The following ZNF787 variants were observed in gnomAD, a reference collection of about 807,000 sequenced individuals.
ZNF787 encodes the protein TTF-I-interacting peptide 20.
In ZNF787, 7 loss-of-function variants were observed where a neutral mutation model predicts 16.9. The observed-to-expected ratio is 0.42, with a 90% CI of 0.24 to 0.78. The LOEUF (loss-of-function observed/expected upper bound fraction) is 0.78. Ranked by LOEUF, ZNF787 falls within the 30% of genes least tolerant of loss-of-function variation. The pLI, the probability that ZNF787 is intolerant of heterozygous loss-of-function variation, is 0.30. For synonymous variants in ZNF787, 345 were observed against 270.9 expected (o/e 1.27, Z -2.69); for missense variants, 551 against 589.3 (o/e 0.94, Z 0.67).
Position 56,087,823 on chromosome 19 carries a change from C to A in ZNF787, c.*200G>T, listed in dbSNP as rs1985348293. The A allele has an allele frequency of 3.5e-6, 3 of 847,450 alleles. No individual in the cohort carries two copies. Among genetic ancestry groups the A allele is most frequent in the Non-Finnish European group, 4.7e-6 (3 of 641,862 alleles). The allele number at this position is 847,450 out of a possible 1,614,324, so 52.5% of individuals were successfully genotyped here. A position where few individuals can be genotyped will look rare whatever the true frequency, so the allele number is the denominator to read the frequency against. ...GGGCCAGGCTGAGGGGGCAGAGTCT[C>A]GAGGCGGAGAAGTGAACGGGCCCTA... On this transcript the variant is annotated 3_prime_UTR_variant, in exon 3 of 3. Coordinates refer to ENST00000610935, the MANE Select transcript of ZNF787 (RefSeq NM_001002836.4).
chr19:56,103,028 G>A, intron 2 of ZNF787, 111 bp downstream of exon 2: 2 of 1,242,374 alleles, frequency 1.6e-6, no homozygotes, highest in South Asian at 1.2e-5. Context: ...TGGTCCCAGG[G>A]CCCCAAGAGG....
At chr19:56,116,525 G>C (rs1433815306) in intron 1 of ZNF787, among the ~76,000 whole-genome samples, 1 of 152,040 alleles carries the variant, frequency 6.6e-6, no homozygotes, top group Admixed American at 6.6e-5. Context: ...AGGAGTTTGA[G>C]ACCAGCCTGG....
intron 1 of ZNF787, among the ~76,000 whole-genome samples, chr19:56,120,481 G>C (rs989037083): frequency 1.3e-5 from 2 of 152,250 alleles, no homozygotes; most frequent in East Asian, 3.9e-4. Flanking sequence ...CACTTCCCCC[G>C]CTGGGGACGC....
chr19:56,095,155 T>C (rs945693115), intron 2 of ZNF787, among the ~76,000 whole-genome samples: 3 of 152,082 alleles, frequency 2.0e-5, no homozygotes, highest in Non-Finnish European at 2.9e-5. Flanking sequence ...CCTAGACCCC[T>C]CATATGTGCA....
In ZNF787 at chr19:56,087,990, G is replaced by A; in HGVS notation, c.*33C>T. The A allele has an allele frequency of 7.8e-7, 1 of 1,285,664 alleles. No individual in the cohort carries two copies. The highest frequency in any genetic ancestry group is 9.8e-7 in the Non-Finnish European group (1 of 1,022,828). The allele number at this position is 1,285,664 out of a possible 1,614,324, so 79.6% of individuals were successfully genotyped here. On this transcript the variant is annotated 3_prime_UTR_variant, in exon 3 of 3. Transcript: ENST00000610935. ...GTCGTCGCTCCCGCCAAGCCCGAGGGGCCCTGCCCGCCCCCCCCCCCGGGC... is the reference window on the plus strand; with the variant it reads ...GTCGTCGCTCCCGCCAAGCCCGAGGAGCCCTGCCCGCCCCCCCCCCCGGGC...
At position 56,088,226 on chromosome 19, in the gene ZNF787, C is replaced by G. The variant is rs1372624301; in HGVS notation, c.946G>C (p.Ala316Pro). 2.7e-6 allele frequency: 4 copies of G among 1,502,852 alleles called. No homozygotes were observed. Among genetic ancestry groups the G allele is most frequent in the Admixed American group, 4.2e-5 (2 of 48,126 alleles). 93.1% of individuals were successfully genotyped at this position (1,502,852 alleles called of 1,614,324 possible). A position where few individuals can be genotyped will look rare whatever the true frequency, so the allele number is the denominator to read the frequency against. Reference sequence around the variant, plus strand: ...TCCCCGCACTCCACGCAGATGTGGGCCGGCTCCTCGCCCCCCGCCGCCCCG... The same window carrying G: ...TCCCCGCACTCCACGCAGATGTGGGGCGGCTCCTCGCCCCCCGCCGCCCCG... Reference protein sequence around the residue: ...GLGAAGGEEPAHICVECGEGF... With the variant: ...GLGAAGGEEPPHICVECGEGF... Residue 316 changes from alanine (A) to proline (P), a missense_variant, in exon 3 of 3, where the codon GCC becomes CCC. Around this residue, in one of 4 missense-constraint regions of ZNF787, gnomAD observed 392 missense variants for 312.7 expected, o/e 1.25. Transcript: ENST00000610935. The surrounding 1 kb of genome is among the most constrained non-coding windows in gnomAD (Gnocchi z 8.6).
intron 2 of ZNF787, among the ~76,000 whole-genome samples, chr19:56,092,048 C>T (rs1440661793): frequency 1.3e-5 from 2 of 148,566 alleles, no homozygotes; most frequent in Non-Finnish European, 3.0e-5. Flanking sequence ...AAGCCGAAGC[C>T]TCACCCTCAC....
intron 2 of ZNF787, among the ~76,000 whole-genome samples, chr19:56,100,663 G>A (rs1249169367): frequency 3.4e-5 from 5 of 145,592 alleles, no homozygotes; most frequent in Admixed American, 7.1e-5. Flanking sequence ...CACCTACGAT[G>A]TCTGTCACTG....
chr19:56,087,870 CGGACGGCGCAGGGACAGAGGA>C lies in ZNF787; in HGVS notation c.*132_*152del. ...CCTAATACGCCCCAGTGCCCCCCCA[CGGACGGCGCAGGGACAGAGGA>C]GGGCGGGGAGCCGGGGATGCCGCGG... On this transcript the variant is annotated 3_prime_UTR_variant, in exon 3 of 3. Transcript: ENST00000610935. 8.3e-7 allele frequency: 1 copy of C among 1,207,074 alleles called. No homozygotes were observed. Among genetic ancestry groups the C allele is most frequent in the East Asian group, 3.6e-5 (1 of 27,612 alleles). 74.8% of individuals were successfully genotyped at this position (1,207,074 alleles called of 1,614,324 possible). A position where few individuals can be genotyped will look rare whatever the true frequency, so the allele number is the denominator to read the frequency against.
At chr19:56,093,683 C>T (rs1186303047) in intron 2 of ZNF787, among the ~76,000 whole-genome samples, 3 of 152,136 alleles carry the variant, frequency 2.0e-5, no homozygotes, top group East Asian at 1.9e-4. Flanking sequence ...CTGTCTGTAC[C>T]CTTCCCATCT....
Position 56,088,025 on chromosome 19 carries a change from A to T in ZNF787, c.1147T>A (p.Ter383LysextTer59). 9.5e-7 allele frequency: 1 copy of T among 1,047,954 alleles called. No individual in the cohort carries two copies. Among genetic ancestry groups the T allele is most frequent in the South Asian group, 3.7e-5 (1 of 26,758 alleles). 64.9% of individuals were successfully genotyped at this position (1,047,954 alleles called of 1,614,324 possible). A position where few individuals can be genotyped will look rare whatever the true frequency, so the allele number is the denominator to read the frequency against. ...CPECRGGEGR[*>K] ...GCCCCCCCCCCCGGGCCCCTCCCCT[A>T]CCGGCCCTCCCCACCGCGGCACTCG... The change falls in exon 3 of 3, where the codon TAG becomes AAG. Residue 383 changes from the stop codon to lysine (K), a stop_lost. Coordinates refer to ENST00000610935, the MANE Select transcript of ZNF787 (RefSeq NM_001002836.4). The surrounding 1 kb of genome is among the most constrained non-coding windows in gnomAD (Gnocchi z 8.6).
chr19:56,092,000 G>C lies in ZNF787; in HGVS notation c.80-2908C>G, dbSNP rs113687877. Among the ~76,000 whole-genome samples, 261 of 144,134 alleles carry C rather than the reference G, an allele frequency of 1.8e-3. 1 individual carries two copies. Among genetic ancestry groups the C allele is most frequent in the African/African-American group, 6.7e-3 (247 of 36,774 alleles). 94.6% of individuals were successfully genotyped at this position (144,134 alleles called of 152,430 possible). On this transcript the variant is annotated intron_variant, in intron 2 of 2. Coordinates refer to ENST00000610935, the MANE Select transcript of ZNF787 (RefSeq NM_001002836.4). ...GCCGAAGGCGAAACCGAAGCCAAAC[G>C]GAAGCCAAAGCCGAAACCGAAGCCG...
intron 2 of ZNF787, among the ~76,000 whole-genome samples, chr19:56,091,988 C>T (rs1034846617): frequency 1.6e-4 from 24 of 151,610 alleles, no homozygotes; most frequent in Non-Finnish European, 3.1e-4. Flanking sequence ...GAAGGCGAAA[C>T]CGAAGCCAAA....
chr19:56,101,605 T>C (rs1986100624), intron 2 of ZNF787: 1 of 152,174 alleles, frequency 6.6e-6, no homozygotes, highest in Non-Finnish European at 1.5e-5. Context: ...AAAATGACAT[T>C]TTGTTAGATG....
intron 2 of ZNF787, among the ~76,000 whole-genome samples, chr19:56,092,027 A>C (rs1438039421): frequency 1.4e-5 from 2 of 144,960 alleles, no homozygotes; most frequent in Non-Finnish European, 3.0e-5. Context: ...CCGAAGCCGA[A>C]GCCGAAGCCG....
intron 2 of ZNF787, among the ~76,000 whole-genome samples, chr19:56,094,942 C>A (rs944570039): frequency 1.3e-5 from 2 of 152,066 alleles, no homozygotes; most frequent in Non-Finnish European, 2.9e-5. Context: ...GAAACCCCAT[C>A]TTAACTTAAA....
chr19:56,120,467 C>G (rs1279475575), intron 1 of ZNF787, among the ~76,000 whole-genome samples: 1 of 152,210 alleles, frequency 6.6e-6, no homozygotes, highest in African/African-American at 2.4e-5. Context: ...GACCTTGGCC[C>G]AGTCACTTCC....
intron 1 of ZNF787, among the ~76,000 whole-genome samples, chr19:56,105,205 C>T (rs564878134): frequency 2.0e-5 from 3 of 152,254 alleles, no homozygotes; most frequent in East Asian, 3.9e-4. Context: ...CCCAGCCCTT[C>T]TCCCACCCTC....
At chr19:56,111,569 G>C (rs1599957059) in intron 1 of ZNF787, among the ~76,000 whole-genome samples, 3 of 152,102 alleles carry the variant, frequency 2.0e-5, no homozygotes, top group Admixed American at 2.0e-4. Context: ...TCCATAGCCA[G>C]AGGGGCCGGG....
Sources: gnomAD v4.1 joint callset for allele counts (sites outside exome capture counted in the v4.1 genomes callset) on GRCh38, gnomAD v4.1.1 for gene constraint, gnomAD v4.1.1 regional missense constraint, Gnocchi (gnomAD v3.1) non-coding constraint, MANE v1.5 for transcripts, NCBI Gene and HGNC (gene_info 2026-07-23, HGNC 2026-07-21) for gene names.